Variants in DAB2IP observed in about 807,000 individuals in gnomAD.
DAB2IP encodes DAB2 interacting protein.
Under a neutral mutation model 107.2 loss-of-function variants are expected in DAB2IP, and 28 were observed. That is an observed-to-expected ratio of 0.26 (90% CI 0.19 to 0.36). The LOEUF is 0.36. Ranked by LOEUF, DAB2IP falls within the 10% of genes least tolerant of loss-of-function variation. The pLI, the probability that DAB2IP is intolerant of heterozygous loss-of-function variation, is 1.00. For synonymous variants in DAB2IP, 755 were observed against 706.4 expected, an observed-to-expected ratio of 1.07 and a Z score of -1.09; for missense variants, 1,400 against 1,644.7, an observed-to-expected ratio of 0.85 and a Z score of 2.57.
intron 8 of DAB2IP, among the ~76,000 whole-genome samples, chr9:121,766,130 G>GA (rs1447700937): frequency 6.6e-6 from 1 of 152,220 alleles, no homozygotes; most frequent in African/African-American, 2.4e-5. Context: ...GAGAGGTGGG[G>GA]AGGGCCCAGA....
chr9:121,677,135 T>G (rs1254030903), intron 1 of DAB2IP, among the ~76,000 whole-genome samples: 1 of 152,192 alleles, frequency 6.6e-6, no homozygotes, highest in Non-Finnish European at 1.5e-5. Context: ...CTTTCCTAGA[T>G]TCTGGATTTC....
chr9:121,773,302 C>G lies in DAB2IP; in HGVS notation c.2774C>G (p.Pro925Arg), dbSNP rs751440231. ...ATCGACCAGCCTCCGCCCCCACCCC[C>G]GCCGCCACCTCCTGCCCCCCGCGGC... Residue 925 changes from proline to arginine, a missense_variant, in exon 12 of 16, where the codon CCG becomes CGG. Pro to Arg is a moderately radical substitution (Grantham distance 103). Around this residue, in one of 3 missense-constraint regions of DAB2IP, gnomAD observed 600 missense variants for 659.1 expected, o/e 0.91. Transcript: ENST00000408936. The G allele has an allele frequency of 6.6e-7, 1 of 1,517,888 alleles. No homozygotes were observed. Among genetic ancestry groups the G allele is most frequent in the Admixed American group, 2.0e-5 (1 of 49,716 alleles). 94.0% of individuals were successfully genotyped at this position (1,517,888 alleles called of 1,614,324 possible).
At chr9:121,679,217 T>A (rs1828444340) in intron 2 of DAB2IP, among the ~76,000 whole-genome samples, 1 of 152,156 alleles carries the variant, frequency 6.6e-6, no homozygotes, top group Admixed American at 6.5e-5. Context: ...TGGTGGTACA[T>A]AAAATAATGC....
In DAB2IP at chr9:121,772,756, G is replaced by A. The variant is rs979943123; in HGVS notation, c.2228G>A (p.Gly743Asp). ...CCTGATCTTCAGATGGCCAACGGTG[G>A]CAAGAGCCTCTCCATGGTGGACCTC... Residue 743 changes from glycine (G) to aspartate (D), a missense_variant, in exon 12 of 16, where the codon GGC (glycine) becomes GAC (aspartate). Physicochemically the swap from Gly to Asp is moderately conservative, Grantham distance 94. This residue lies in a region of DAB2IP where 600 missense variants were observed against 659.1 expected (regional missense o/e 0.91). Transcript: ENST00000408936. The surrounding 1 kb of genome is among the most constrained non-coding windows in gnomAD (Gnocchi z 4.7). 4 of 1,613,732 alleles carry A rather than the reference G, an allele frequency of 2.5e-6. No individual in the cohort carries two copies. The African/African-American group carries it at 4.0e-5, about 16-fold the overall frequency.
chr9:121,703,509 G>C (rs1262777669), intron 3 of DAB2IP, among the ~76,000 whole-genome samples: 1 of 152,114 alleles, frequency 6.6e-6, no homozygotes, highest in East Asian at 1.9e-4. Context: ...AGCATTCCTG[G>C]GGCAAGTCAC....
chr9:121,645,732 G>A (rs998473214), intron 1 of DAB2IP, among the ~76,000 whole-genome samples: 2 of 152,172 alleles, frequency 1.3e-5, no homozygotes, highest in South Asian at 4.1e-4. Flanking sequence ...AGCTTCCCCC[G>A]TTCATCAGTT....
chr9:121,733,859 G>C (rs1053895818), intron 3 of DAB2IP, among the ~76,000 whole-genome samples: 1 of 152,298 alleles, frequency 6.6e-6, no homozygotes, highest in Non-Finnish European at 1.5e-5. Context: ...AAAAGGAGGC[G>C]GGCTTTGTGA....
intron 3 of DAB2IP, among the ~76,000 whole-genome samples, chr9:121,747,380 C>A (rs1832790273): frequency 6.7e-6 from 1 of 149,604 alleles, no homozygotes; most frequent in Non-Finnish European, 1.5e-5. Context: ...CAGAGTCTCG[C>A]TCTGTCGCCC....
In DAB2IP at chr9:121,646,572, G is replaced by A. The variant is rs1031616502; in HGVS notation, c.41-32106G>A. 4.1e-5 allele frequency among the ~76,000 whole-genome samples: 6 copies of A among 147,784 alleles called. No homozygotes were observed. In the South Asian group the frequency reaches 6.5e-4, roughly 16 times the overall value. ...GACTGAAAGGTTGAGACTGTCCTGG[G>A]AGGCGGATGTGTGCAGGCCTGCCTG... On this transcript the variant is annotated intron_variant, in intron 1 of 16. Coordinates refer to the DAB2IP transcript ENST00000259371.
chr9:121,766,099 A>G (rs1834257975), intron 8 of DAB2IP, among the ~76,000 whole-genome samples: 1 of 152,252 alleles, frequency 6.6e-6, no homozygotes, highest in South Asian at 2.1e-4. Context: ...TTTGGGTTGA[A>G]AAATGAAGTA....
chr9:121,744,486 G>A (rs1015996351), intron 3 of DAB2IP, among the ~76,000 whole-genome samples: 2 of 152,210 alleles, frequency 1.3e-5, no homozygotes, highest in Admixed American at 6.5e-5. Context: ...TCATTGCCAC[G>A]GCTGGGGGCG....
chr9:121,611,413 G>GGT (rs1831092111), intron 1 of DAB2IP, among the ~76,000 whole-genome samples: 1 of 151,976 alleles, frequency 6.6e-6, no homozygotes, highest in South Asian at 2.1e-4. Context: ...ACAGGCTAAG[G>GGT]GTGTGTGTGT....
At chr9:121,641,899 T>TTC (rs148040068) in intron 1 of DAB2IP, among the ~76,000 whole-genome samples, 23,515 of 113,660 alleles carry the variant, frequency 0.21, 2,784 homozygotes, top group South Asian at 0.39. Context: ...TTCCCTTTCT[T>TTC]TCTTTCTTTC....
intron 3 of DAB2IP, chr9:121,751,146 C>T (rs927609132): frequency 2.2e-5 from 5 of 226,408 alleles, no homozygotes; most frequent in South Asian, 9.5e-5. Context: ...CCCTGCTGCC[C>T]GGCTGCTGTG....
At chr9:121,638,463 G>C (rs1832164636) in intron 1 of DAB2IP, among the ~76,000 whole-genome samples, 1 of 152,182 alleles carries the variant, frequency 6.6e-6, no homozygotes, top group African/African-American at 2.4e-5. Context: ...GGGCTCCCTG[G>C]AGGAAAGGCG....
intron 1 of DAB2IP, among the ~76,000 whole-genome samples, chr9:121,606,699 A>G (rs1041302707): frequency 6.6e-6 from 1 of 151,454 alleles, no homozygotes; most frequent in Non-Finnish European, 1.5e-5. Context: ...TGTTACCATC[A>G]TTGGATGAGT....
intron 1 of DAB2IP, among the ~76,000 whole-genome samples, chr9:121,630,435 G>T (rs1429921678): frequency 6.6e-6 from 1 of 151,492 alleles, no homozygotes; most frequent in African/African-American, 2.4e-5. Flanking sequence ...TGAGGCAGGA[G>T]AATTGCTTGA....
intron 2 of DAB2IP, among the ~76,000 whole-genome samples, chr9:121,690,487 A>C (rs1829109820): frequency 6.6e-6 from 1 of 152,198 alleles, no homozygotes; most frequent in Admixed American, 6.5e-5. Context: ...GTTTGTAGCC[A>C]TCCAGACCTC....
chr9:121,719,894 G>A (rs1019812476), intron 3 of DAB2IP, among the ~76,000 whole-genome samples: 2 of 152,226 alleles, frequency 1.3e-5, no homozygotes, highest in African/African-American at 4.8e-5. Flanking sequence ...TCCTCTCAGG[G>A]CAGGGGCCCT....
Sources: gnomAD v4.1 joint callset for allele counts (sites outside exome capture counted in the v4.1 genomes callset) on GRCh38, gnomAD v4.1.1 for gene constraint, gnomAD v4.1.1 regional missense constraint, Gnocchi (gnomAD v3.1) non-coding constraint, MANE v1.5 for transcripts, NCBI Gene and HGNC (gene_info 2026-07-23, HGNC 2026-07-21) for gene names.